The following AGTPBP1 variants were observed in gnomAD, a reference collection of about 807,000 sequenced individuals.
The protein encoded by AGTPBP1 is cytosolic carboxypeptidase 1.
AGTPBP1 carries 70 observed loss-of-function variants against 143.9 expected under a neutral mutation model. The observed-to-expected ratio is 0.49, with a 90% CI of 0.40 to 0.59. The LOEUF is 0.59. Ranked by LOEUF, AGTPBP1 falls within the 20% of genes least tolerant of loss-of-function variation. The pLI is 0.00. For missense variants in AGTPBP1, 1,229 were observed against 1,464.5 expected, an observed-to-expected ratio of 0.84 and a Z score of 2.62; for synonymous variants, 463 against 500.2, an observed-to-expected ratio of 0.93 and a Z score of 0.99.
chr9:85,786,169 T>C, the AGTPBP1 span: 3 of 1,603,722 alleles, frequency 1.9e-6, no homozygotes, highest in Non-Finnish European at 2.6e-6. Context: ...AAAATGGGCA[T>C]CCAGACCTGA....
the AGTPBP1 span, among the ~76,000 whole-genome samples, chr9:85,774,289 G>A: frequency 2.6e-5 from 4 of 152,148 alleles, no homozygotes; most frequent in Non-Finnish European, 4.4e-5. Flanking sequence ...AATCCTGTCA[G>A]CTTGTTGTTG....
intron 17 of AGTPBP1, among the ~76,000 whole-genome samples, chr9:85,611,967 A>G (rs948226918): frequency 3.3e-5 from 5 of 152,318 alleles, no homozygotes; most frequent in Admixed American, 3.3e-4. Context: ...GGCATAAGCC[A>G]CCATGCCCAG....
At chr9:85,786,290 T>A in the AGTPBP1 span, 1 of 1,599,298 alleles carries the variant, frequency 6.3e-7, no homozygotes, top group Admixed American at 1.7e-5. Flanking sequence ...TTACCTCCAA[T>A]TCATAGTTCT....
chr9:85,724,992 C>T (rs1838378516), intron 1 of AGTPBP1, among the ~76,000 whole-genome samples: 1 of 152,222 alleles, frequency 6.6e-6, no homozygotes, highest in Admixed American at 6.5e-5. Flanking sequence ...CAATTTCCCT[C>T]TACCGTGCCT....
Position 85,572,017 on chromosome 9 carries a change from T to C in AGTPBP1, c.3503+3298A>G, listed in dbSNP as rs1284661466. On this transcript the variant is annotated intron_variant, in intron 25 of 25. Transcript: ENST00000357081. ...TTGTTTGTGTGTGTTTTTTTTTTTT[T>C]TTTTTTTTTTTTTTTTTTTTTTTTT... Among the ~76,000 whole-genome samples the C allele has an allele frequency of 8.3e-4, 17 of 20,406 alleles. No homozygotes were observed. The African/African-American group carries it at 8.9e-3, about 11-fold the overall frequency. 13.4% of individuals were successfully genotyped at this position (20,406 alleles called of 152,430 possible).
Position 85,655,190 on chromosome 9 carries a change from A to G in AGTPBP1, c.1040T>C (p.Ile347Thr), listed in dbSNP as rs771245679. 3 of 1,613,698 alleles carry G rather than the reference A, an allele frequency of 1.9e-6. No individual in the cohort carries two copies. Among genetic ancestry groups the G allele is most frequent in the Admixed American group, 1.7e-5 (1 of 60,000 alleles). ...KSSFHFQLPVIPVTGPVAQLY... is the reference protein window; with the variant it reads ...KSSFHFQLPVTPVTGPVAQLY... Reference sequence around the variant, plus strand: ...CTGAGCCACAGGACCAGTCACAGGAATAACAGGCAACTGGAAATGAAAAGA... The same window carrying G: ...CTGAGCCACAGGACCAGTCACAGGAGTAACAGGCAACTGGAAATGAAAAGA... The change falls in exon 11 of 26, where the codon ATT becomes ACT. Residue 347 changes from isoleucine (I) to threonine (T), a missense_variant. By Grantham distance (89) the Ile-to-Thr change is moderately conservative. This residue lies in a region of AGTPBP1 where 743 missense variants were observed against 812.2 expected (regional missense o/e 0.91). Coordinates refer to ENST00000357081, the MANE Select transcript of AGTPBP1 (RefSeq NM_001330701.2).
intron 3 of AGTPBP1, among the ~76,000 whole-genome samples, chr9:85,690,036 T>C (rs756152845): frequency 2.4e-4 from 36 of 150,632 alleles, no homozygotes; most frequent in Non-Finnish European, 4.1e-4. Flanking sequence ...TTCCCCAAGT[T>C]TGTAATAATT....
rs201420882 is a variant in AGTPBP1 at position 85,672,655 on chromosome 9, T to A, written c.463A>T (p.Ile155Phe). 5.0e-6 allele frequency: 8 copies of A among 1,609,442 alleles called. No individual in the cohort carries two copies. The highest frequency in any genetic ancestry group is 6.8e-6 in the Non-Finnish European group (8 of 1,178,264). The change falls in exon 7 of 26, where the codon ATT becomes TTT. Residue 155 changes from isoleucine (I) to phenylalanine (F), a missense_variant. Ile to Phe is a conservative substitution (Grantham distance 21). Coordinates refer to ENST00000357081, the MANE Select transcript of AGTPBP1 (RefSeq NM_001330701.2). ...KDKKFGVKAR[I>F]NGALNITLNL... ...AGGGTTATATTCAGAGCCCCATTAA[T>A]TCTAGCCTTTACTCCAAATTTTTTA... is the stretch of plus-strand genomic sequence containing the variant.
the AGTPBP1 span, among the ~76,000 whole-genome samples, chr9:85,778,371 G>A: frequency 6.6e-6 from 1 of 152,154 alleles, no homozygotes; most frequent in Non-Finnish European, 1.5e-5. Context: ...AGATGGCGGG[G>A]CCTTGCTCCA....
chr9:85,573,270 G>T (rs541537631), intron 25 of AGTPBP1, among the ~76,000 whole-genome samples: 1 of 152,294 alleles, frequency 6.6e-6, no homozygotes, highest in South Asian at 2.1e-4. Context: ...CGCCTGACTG[G>T]TTTTCATATT....
At chr9:85,725,974 A>G (rs1181913252) in intron 1 of AGTPBP1, among the ~76,000 whole-genome samples, 1 of 148,518 alleles carries the variant, frequency 6.7e-6, no homozygotes, top group East Asian at 2.1e-4. Flanking sequence ...GCCTGAACCC[A>G]GGAGGCAGAG....
intron 1 of AGTPBP1, among the ~76,000 whole-genome samples, chr9:85,723,324 G>C (rs1484335373): frequency 6.6e-6 from 1 of 152,208 alleles, no homozygotes; most frequent in East Asian, 1.9e-4. Flanking sequence ...GCTATGGTGG[G>C]CTCCACCCAG....
At chr9:85,712,750 A>G (rs1014282921) in intron 1 of AGTPBP1, among the ~76,000 whole-genome samples, 184 bp from the exon 2 acceptor site, 2 of 152,214 alleles carry the variant, frequency 1.3e-5, no homozygotes, top group Non-Finnish European at 2.9e-5. Flanking sequence ...ATGTATGACT[A>G]TAAAAATACC....
chr9:85,597,511 A>C (rs1397093744), intron 17 of AGTPBP1, among the ~76,000 whole-genome samples: 2 of 152,084 alleles, frequency 1.3e-5, no homozygotes, highest in Non-Finnish European at 2.9e-5. Context: ...AATATTTGCC[A>C]CTTTTTTGCA....
At chr9:85,763,054 G>T in the AGTPBP1 span, among the ~76,000 whole-genome samples, 1,330 of 151,890 alleles carry the variant, frequency 8.8e-3, 17 homozygotes, top group African/African-American at 0.029. Flanking sequence ...CTCATTAGAA[G>T]TTTAAGATCT....
intron 25 of AGTPBP1, among the ~76,000 whole-genome samples, chr9:85,574,881 G>A (rs550734234): frequency 6.6e-6 from 1 of 152,082 alleles, no homozygotes; most frequent in South Asian, 2.1e-4. Flanking sequence ...GCTAATTCTT[G>A]CATTTTTAGG....
rs11141069 is a variant in AGTPBP1, at chr9:85,701,914, T to C, written c.33-9101A>G. Among the ~76,000 whole-genome samples the C allele has an allele frequency of 6.0e-3, 915 of 152,374 alleles. 8 individuals are homozygous for C. Among genetic ancestry groups the C allele is most frequent in the African/African-American group, 0.021 (878 of 41,586 alleles). On this transcript the variant is annotated intron_variant, in intron 2 of 25. Coordinates refer to ENST00000357081, the MANE Select transcript of AGTPBP1 (RefSeq NM_001330701.2). ...TTCTCAAATGCCTGTTTTTATCTCC[T>C]CTTTGACTCAGGTTGTTCAAGAGAG... is the stretch of plus-strand genomic sequence containing the variant.
intron 25 of AGTPBP1, among the ~76,000 whole-genome samples, chr9:85,568,641 G>A (rs1278321152): frequency 6.6e-6 from 1 of 152,200 alleles, no homozygotes; most frequent in Non-Finnish European, 1.5e-5. Flanking sequence ...CATGGAGCAA[G>A]ACCAGTCAGA....
chr9:85,699,411 A>T (rs1836500293), intron 2 of AGTPBP1, among the ~76,000 whole-genome samples: 1 of 152,198 alleles, frequency 6.6e-6, no homozygotes, highest in African/African-American at 2.4e-5. Context: ...AATTTGCTTG[A>T]ATATGGCAAA....
Sources: allele counts gnomAD v4.1 joint callset (sites outside exome capture counted in the v4.1 genomes callset), GRCh38; gene constraint gnomAD v4.1.1; regional missense constraint gnomAD v4.1.1; transcripts MANE v1.5; gene names NCBI Gene and HGNC (gene_info 2026-07-23, HGNC 2026-07-21).